The following PSD3 variants were observed in gnomAD, a reference collection of about 807,000 sequenced individuals.
The protein encoded by PSD3 is PH and SEC7 domain-containing protein 3.
A neutral mutation model predicts 105.5 loss-of-function variants in PSD3; 49 were observed. The ratio of observed to expected loss-of-function variants is 0.46; its 90% CI spans 0.37 to 0.59. The LOEUF is 0.59. Ranked by LOEUF, PSD3 falls within the 20% of genes least tolerant of loss-of-function variation. PSD3 has a pLI of 0.00. For synonymous variants in PSD3, 557 were observed against 457.8 expected, an observed-to-expected ratio of 1.22 and a Z score of -2.77; for missense variants, 1,561 against 1,263.8, an observed-to-expected ratio of 1.24 and a Z score of -3.57.
At chr8:18,568,950 T>C (rs1320075454) in intron 14 of PSD3, among the ~76,000 whole-genome samples, 15 of 148,660 alleles carry the variant, frequency 1.0e-4, no homozygotes, top group Non-Finnish European at 2.2e-4. Context: ...AGTGAGAATA[T>C]GTGGTGTTTG....
At chr8:18,745,018 A>C (rs1363447544) in intron 9 of PSD3, among the ~76,000 whole-genome samples, 1 of 152,210 alleles carries the variant, frequency 6.6e-6, no homozygotes, top group Non-Finnish European at 1.5e-5. Flanking sequence ...GGGAAAGAGA[A>C]GTGATGTTAA....
At chr8:18,786,886 T>C (rs1809215595) in intron 8 of PSD3, 1 of 152,238 alleles carries the variant, frequency 6.6e-6, no homozygotes, top group Non-Finnish European at 1.5e-5. Flanking sequence ...GATCAGTCCA[T>C]TTTGCTGCTT....
At chr8:18,859,952 A>G (rs1211724698) in intron 4 of PSD3, among the ~76,000 whole-genome samples, 1 of 152,214 alleles carries the variant, frequency 6.6e-6, no homozygotes, top group Non-Finnish European at 1.5e-5. Context: ...TGCATTCACA[A>G]CTTGGCTGTT....
At chr8:18,912,558 G>T (rs1820303066) in intron 2 of PSD3, among the ~76,000 whole-genome samples, 1 of 152,062 alleles carries the variant, frequency 6.6e-6, no homozygotes, top group African/African-American at 2.4e-5. Flanking sequence ...TCTAAAAGAT[G>T]GTCCACTTCT....
At chr8:18,575,910 C>G (rs1802434632) in intron 12 of PSD3, among the ~76,000 whole-genome samples, 1 of 152,166 alleles carries the variant, frequency 6.6e-6, no homozygotes, top group African/African-American at 2.4e-5. Context: ...TAGGTAAATG[C>G]ATATGCTACC....
chr8:18,837,676 C>T (rs1814226299), intron 4 of PSD3, among the ~76,000 whole-genome samples: 1 of 152,118 alleles, frequency 6.6e-6, no homozygotes, highest in African/African-American at 2.4e-5. Flanking sequence ...ATGGTGGCTC[C>T]GTCTGTAATC....
intron 1 of PSD3, among the ~76,000 whole-genome samples, chr8:19,069,413 C>G (rs537034124): frequency 6.6e-6 from 1 of 152,090 alleles, no homozygotes. Flanking sequence ...AGGGGGCCAG[C>G]CAAGTTGACA....
intron 9 of PSD3, among the ~76,000 whole-genome samples, chr8:18,752,562 ATATT>A (rs1563225425): frequency 2.9e-4 from 25 of 86,934 alleles, no homozygotes; most frequent in African/African-American, 1.5e-3. Context: ...ATAATTATAT[ATATT>A]ATATATATAA....
chr8:18,771,850 C>G (rs1433492566), intron 8 of PSD3, among the ~76,000 whole-genome samples: 1 of 152,214 alleles, frequency 6.6e-6, no homozygotes, highest in Non-Finnish European at 1.5e-5. Context: ...TTTCACCTCA[C>G]TAATCTCAAA....
At chr8:18,656,038 A>G (rs1265723694) in intron 9 of PSD3, among the ~76,000 whole-genome samples, 1 of 152,142 alleles carries the variant, frequency 6.6e-6, no homozygotes, top group African/African-American at 2.4e-5. Flanking sequence ...TCAGTTGGAC[A>G]GTGGAGTACT....
intron 1 of PSD3, among the ~76,000 whole-genome samples, chr8:18,959,759 C>G (rs967940374): frequency 2.0e-5 from 3 of 152,166 alleles, no homozygotes; most frequent in African/African-American, 7.2e-5. Context: ...TAGACAAACT[C>G]AAGCCACGCC....
intron 11 of PSD3, among the ~76,000 whole-genome samples, chr8:18,608,860 G>A (rs1282025661): frequency 8.6e-5 from 13 of 152,020 alleles, no homozygotes; most frequent in African/African-American, 2.4e-5. Context: ...CAACTGAACT[G>A]GAAATGGATT....
At chr8:18,933,816 T>A (rs12678267) in intron 2 of PSD3, among the ~76,000 whole-genome samples, 6,642 of 152,174 alleles carry the variant, frequency 0.044, 299 homozygotes, top group East Asian at 0.17. Flanking sequence ...ATCAGTACCC[T>A]GTCAGGGAAA....
chr8:18,910,504 G>A (rs1377473549), intron 2 of PSD3, among the ~76,000 whole-genome samples: 1 of 104,462 alleles, frequency 9.6e-6, no homozygotes, highest in Non-Finnish European at 1.9e-5. Context: ...GGGGGAGGGG[G>A]GAGGGATAGC....
chr8:18,936,033 C>T lies in PSD3; in HGVS notation c.130+1G>A, dbSNP rs1293848746. 4.4e-6 allele frequency: 7 copies of T among 1,587,566 alleles called. No homozygotes were observed. In the South Asian group the frequency reaches 7.7e-5, roughly 18 times the overall value. ...GGAGAGGGATATGAGGAAATACTTA[C>T]TAGTATCTGGAGCTTTCCCTTCAGA... On this transcript the variant is annotated splice_donor_variant, in intron 2 of 15. Transcript: ENST00000327040. LOFTEE classifies it high-confidence loss of function.
intron 11 of PSD3, among the ~76,000 whole-genome samples, chr8:18,624,578 C>G (rs1397195361): frequency 6.9e-6 from 1 of 145,634 alleles, no homozygotes; most frequent in Non-Finnish European, 1.5e-5. Flanking sequence ...GGAGATATAC[C>G]TAATGCTAAA....
intron 2 of PSD3, among the ~76,000 whole-genome samples, chr8:18,896,233 G>T (rs1409088805): frequency 6.6e-6 from 1 of 152,190 alleles, no homozygotes; most frequent in Non-Finnish European, 1.5e-5. Context: ...GGACACATAG[G>T]TAGATTCCCC....
At chr8:19,084,072 G>A (rs1396864712) in intron 1 of PSD3, 2 of 346,750 alleles carry the variant, frequency 5.8e-6, no homozygotes, top group Non-Finnish European at 1.2e-5. Context: ...TGCGGCTCGT[G>A]GGTACCTCTG....
chr8:18,599,446 T>C (rs1467495049), intron 12 of PSD3, among the ~76,000 whole-genome samples: 1 of 152,126 alleles, frequency 6.6e-6, no homozygotes, highest in African/African-American at 2.4e-5. Context: ...TTGCACCCCA[T>C]GTTCATTGCG....
Sources: allele counts gnomAD v4.1 joint callset (sites outside exome capture counted in the v4.1 genomes callset), GRCh38; gene constraint gnomAD v4.1.1; transcripts MANE v1.5; gene names NCBI Gene and HGNC (gene_info 2026-07-23, HGNC 2026-07-21).